Variants in SGK3 observed in about 807,000 individuals in gnomAD.
SGK3 encodes the protein serum/glucocorticoid regulated kinase family member 3.
A neutral mutation model predicts 68.5 loss-of-function variants in SGK3; 47 were observed. The observed-to-expected ratio is 0.69, with a 90% CI of 0.54 to 0.87. SGK3 has a LOEUF of 0.87. Among genes scored for constraint, SGK3 ranks in the 40% least tolerant of loss-of-function variants. The pLI is 0.00. For missense variants in SGK3, 479 were observed against 575.5 expected (o/e 0.83, Z 1.72); for synonymous variants, 181 against 189.1 (o/e 0.96, Z 0.35).
At position 66,797,376 on chromosome 8, in the gene SGK3, A is replaced by G. The variant is rs371012570; in HGVS notation, c.97-1166A>G. On this transcript the variant is annotated intron_variant, in intron 2 of 16. Transcript: ENST00000521198. Reference sequence around the variant, plus strand: ...ACCTTGGCTAGGTTTTTTGCCCTCTACTTCTGCATGCTGTCCATGTGGGAG... The same window carrying G: ...ACCTTGGCTAGGTTTTTTGCCCTCTGCTTCTGCATGCTGTCCATGTGGGAG... Among the ~76,000 whole-genome samples the G allele has an allele frequency of 5.9e-5, 9 of 152,166 alleles. No homozygotes were observed. In the South Asian group the frequency reaches 1.0e-3, roughly 18 times the overall value.
rs753739226 is a variant in SGK3 at position 66,859,578 on chromosome 8, G to T, written c.1488G>T (p.Leu496Phe). Reference sequence around the variant, plus strand: ...CACCTCCTTCAGAAGACTTATTTTTGTGAGCAGTTTGCCATTCAGAAACCA... The same window carrying T: ...CACCTCCTTCAGAAGACTTATTTTTTTGAGCAGTTTGCCATTCAGAAACCA... ...SYAPPSEDLF[L>F] Residue 496 changes from leucine to phenylalanine, a missense_variant, in exon 17 of 17, where the codon TTG (leucine) becomes TTT (phenylalanine). By Grantham distance (22) the Leu-to-Phe change is conservative. Transcript: ENST00000521198. 1.2e-6 allele frequency: 2 copies of T among 1,607,254 alleles called. No homozygotes were observed. Among genetic ancestry groups the T allele is most frequent in the South Asian group, 1.1e-5 (1 of 90,064 alleles).
At chr8:66,777,944 C>G (rs1458437542) in intron 1 of SGK3, 1 of 152,222 alleles carries the variant, frequency 6.6e-6, no homozygotes, top group African/African-American at 2.4e-5. Flanking sequence ...ATCTTTTTCT[C>G]CGATGTGGGC....
chr8:66,786,322 A>T (rs549827325), intron 1 of SGK3, among the ~76,000 whole-genome samples: 1 of 152,314 alleles, frequency 6.6e-6, no homozygotes, highest in African/African-American at 2.4e-5. Context: ...CTGGGTTCAA[A>T]TCCTGCTTCT....
chr8:66,723,114 TATATATATATATATA>T (rs1481638835), intron 1 of SGK3, among the ~76,000 whole-genome samples: 64 of 53,776 alleles, frequency 1.2e-3, no homozygotes, highest in African/African-American at 1.6e-3. Context: ...TATATATATA[TATATATATATATATA>T]TATTTTTTTT....
chr8:66,787,900 G>A (rs375837809), intron 1 of SGK3, among the ~76,000 whole-genome samples: 1 of 152,162 alleles, frequency 6.6e-6, no homozygotes, highest in Non-Finnish European at 1.5e-5. Flanking sequence ...TCATAGATAC[G>A]TCCCTTTGGC....
At chr8:66,739,183 A>G (rs1382475400) in intron 1 of SGK3, among the ~76,000 whole-genome samples, 1 of 152,190 alleles carries the variant, frequency 6.6e-6, no homozygotes, top group East Asian at 1.9e-4. Context: ...GTTCAAGGAC[A>G]TGGCGCTGGA....
chr8:66,802,498 G>A (rs1466455410), intron 3 of SGK3, among the ~76,000 whole-genome samples: 2 of 151,936 alleles, frequency 1.3e-5, no homozygotes, highest in Non-Finnish European at 2.9e-5. Context: ...AGACCAGCCC[G>A]GGCAATGACA....
intron 1 of SGK3, among the ~76,000 whole-genome samples, chr8:66,764,988 G>A (rs1467296519): frequency 1.3e-5 from 2 of 152,168 alleles, no homozygotes; most frequent in Non-Finnish European, 2.9e-5. Flanking sequence ...TTCACCTCTT[G>A]AGTATTGTGA....
intron 1 of SGK3, among the ~76,000 whole-genome samples, chr8:66,772,271 A>G (rs973509816): frequency 1.4e-5 from 2 of 147,866 alleles, no homozygotes; most frequent in South Asian, 4.4e-4. Context: ...ATTTTTTTAT[A>G]GAGACGGAGT....
chr8:66,784,422 A>T (rs1807115995), intron 1 of SGK3, among the ~76,000 whole-genome samples: 1 of 152,066 alleles, frequency 6.6e-6, no homozygotes, highest in African/African-American at 2.4e-5. Flanking sequence ...TCCCTGCTGT[A>T]TTGGGTAAGA....
At chr8:66,746,613 G>A (rs1448117142) in intron 1 of SGK3, among the ~76,000 whole-genome samples, 2 of 151,994 alleles carry the variant, frequency 1.3e-5, no homozygotes, top group Non-Finnish European at 1.5e-5. Flanking sequence ...GAGTGCAGTA[G>A]CATAATCATA....
At chr8:66,750,268 T>C (rs1313363029) in intron 1 of SGK3, among the ~76,000 whole-genome samples, 1 of 152,140 alleles carries the variant, frequency 6.6e-6, no homozygotes, top group Non-Finnish European at 1.5e-5. Context: ...TGTACATTTC[T>C]GATATAATGC....
intron 5 of SGK3, among the ~76,000 whole-genome samples, chr8:66,820,969 G>T (rs1271504728): frequency 6.6e-6 from 1 of 152,108 alleles, no homozygotes; most frequent in African/African-American, 2.4e-5. Context: ...GCCTCACAGA[G>T]CATTGGGATT....
chr8:66,747,887 A>G (rs1036215472), intron 1 of SGK3, among the ~76,000 whole-genome samples: 1 of 152,176 alleles, frequency 6.6e-6, no homozygotes, highest in African/African-American at 2.4e-5. Flanking sequence ...AAATGATGCA[A>G]TGTGCTTTGC....
Position 66,723,131 on chromosome 8 carries a change from A to ATTTTTT in SGK3, c.-122+10314_-122+10319dup, listed in dbSNP as rs1177940065. On this transcript the variant is annotated intron_variant, in intron 1 of 16. Transcript: ENST00000521198. ...TATATATATATATATATATATATAT[A>ATTTTTT]TTTTTTTTTTTTTTTTTTTTTGTAA... is the stretch of plus-strand genomic sequence containing the variant. Among the ~76,000 whole-genome samples, 129 of 29,486 alleles carry ATTTTTT rather than the reference A, an allele frequency of 4.4e-3. 17 individuals are homozygous for ATTTTTT. The highest frequency in any genetic ancestry group is 6.9e-3 in the East Asian group (4 of 582). 19.3% of individuals were successfully genotyped at this position (29,486 alleles called of 152,430 possible).
Position 66,828,621 on chromosome 8 carries a change from A to G in SGK3, c.418-33A>G, listed in dbSNP as rs775172069. The G allele has an allele frequency of 2.5e-6, 4 of 1,613,098 alleles. No homozygotes were observed. The South Asian group carries it at 4.4e-5, about 18-fold the overall frequency. On this transcript the variant is annotated intron_variant, in intron 6 of 16. Coordinates refer to ENST00000521198, the MANE Select transcript of SGK3 (RefSeq NM_001033578.3). ...ATTAATTAATTTTTGAAGCTCCAAT[A>G]AGAATGTTGTTTTTCTTTCCCCACC...
At chr8:66,782,909 TTGGCAATTATGAA>T (rs1298609944) in intron 1 of SGK3, among the ~76,000 whole-genome samples, 2 of 152,254 alleles carry the variant, frequency 1.3e-5, no homozygotes, top group Non-Finnish European at 2.9e-5. Flanking sequence ...TTTCCAAGTT[TTGGCAATTATGAA>T]TAAAGTTGCT....
At chr8:66,849,745 C>G (rs1810185851) in intron 15 of SGK3, among the ~76,000 whole-genome samples, 1 of 151,796 alleles carries the variant, frequency 6.6e-6, no homozygotes, top group Non-Finnish European at 1.5e-5. Flanking sequence ...AGGCATGTGC[C>G]ACCACACTGT....
chr8:66,774,368 G>A (rs1415368969), intron 1 of SGK3, among the ~76,000 whole-genome samples: 1 of 152,004 alleles, frequency 6.6e-6, no homozygotes, highest in African/African-American at 2.4e-5. Flanking sequence ...TTGCTATGAG[G>A]TCCAGGCTGG....
Sources: gnomAD v4.1 joint callset for allele counts (sites outside exome capture counted in the v4.1 genomes callset) on GRCh38, gnomAD v4.1.1 for gene constraint, MANE v1.5 for transcripts, NCBI Gene and HGNC (gene_info 2026-07-23, HGNC 2026-07-21) for gene names.